The following DNER variants were observed in gnomAD, a reference collection of about 807,000 sequenced individuals.
DNER encodes the protein delta and Notch-like epidermal growth factor-related receptor.
DNER carries 33 observed loss-of-function variants against 78.2 expected under a neutral mutation model. That is an observed-to-expected ratio of 0.42 (90% confidence interval 0.32 to 0.56). The LOEUF is 0.56. DNER is among the 20% of genes least tolerant of loss of function. DNER has a pLI of 0.11. For missense variants in DNER, 918 were observed against 975.3 expected (o/e 0.94, Z 0.78); for synonymous variants, 417 against 384.8 (o/e 1.08, Z -0.98).
intron 6 of DNER, among the ~76,000 whole-genome samples, chr2:229,493,137 G>A (rs1203842367): frequency 6.6e-6 from 1 of 152,188 alleles, no homozygotes; most frequent in Admixed American, 6.5e-5. Context: ...CTTAGTCAGT[G>A]TGCAAAAGAG....
At chr2:229,578,275 A>T (rs913976976) in intron 4 of DNER, among the ~76,000 whole-genome samples, 1 of 152,032 alleles carries the variant, frequency 6.6e-6, no homozygotes, top group Non-Finnish European at 1.5e-5. Flanking sequence ...TTCCACAGGG[A>T]GCCAGGTCCC....
At chr2:229,625,929 T>G (rs1000013516) in intron 1 of DNER, among the ~76,000 whole-genome samples, 10 of 150,986 alleles carry the variant, frequency 6.6e-5, no homozygotes, top group Admixed American at 2.0e-4. Context: ...TGTTTTTTGT[T>G]TTTTTTTTGA....
chr2:229,388,192 C>T, intron 11 of DNER, 73 bp downstream of exon 11: 4 of 1,520,302 alleles, frequency 2.6e-6, no homozygotes, highest in Non-Finnish European at 3.5e-6. Context: ...TCGGCATCTT[C>T]TTCATGAAGG....
chr2:229,614,122 A>G (rs1477405506), intron 1 of DNER, among the ~76,000 whole-genome samples: 1 of 151,994 alleles, frequency 6.6e-6, no homozygotes, highest in Non-Finnish European at 1.5e-5. Flanking sequence ...GCACATGTAT[A>G]CATATGCAAC....
At chr2:229,688,995 G>A (rs1306510870) in intron 1 of DNER, among the ~76,000 whole-genome samples, 1 of 152,178 alleles carries the variant, frequency 6.6e-6, no homozygotes, top group Admixed American at 6.6e-5. Context: ...GTCATGGAGT[G>A]GAGTTGGGGG....
At chr2:229,515,903 A>G (rs1368606153) in intron 5 of DNER, among the ~76,000 whole-genome samples, 1 of 152,070 alleles carries the variant, frequency 6.6e-6, no homozygotes, top group Non-Finnish European at 1.5e-5. Context: ...CGGCCTCCCA[A>G]AGTGCTGGGA....
At chr2:229,641,072 A>G (rs974510395) in intron 1 of DNER, among the ~76,000 whole-genome samples, 1 of 152,166 alleles carries the variant, frequency 6.6e-6, no homozygotes, top group Admixed American at 6.5e-5. Context: ...GTCTTGTTGA[A>G]GTTGAAGGAC....
At chr2:229,694,932 T>C (rs1310058388) in intron 1 of DNER, among the ~76,000 whole-genome samples, 2 of 152,344 alleles carry the variant, frequency 1.3e-5, no homozygotes, top group East Asian at 3.9e-4. Context: ...TGATATGGTT[T>C]GGCTGGGCCC....
At chr2:229,418,593 G>A (rs1693697859) in intron 8 of DNER, among the ~76,000 whole-genome samples, 1 of 151,984 alleles carries the variant, frequency 6.6e-6, no homozygotes, top group Non-Finnish European at 1.5e-5. Context: ...GGCAGGGGAG[G>A]AGCAAACAGC....
At chr2:229,432,639 G>C (rs564304746) in intron 8 of DNER, among the ~76,000 whole-genome samples, 20 of 152,266 alleles carry the variant, frequency 1.3e-4, no homozygotes, top group Admixed American at 1.1e-3. Flanking sequence ...TCTCAGTGCA[G>C]TCCCCAGACC....
intron 7 of DNER, among the ~76,000 whole-genome samples, chr2:229,466,696 TTAAG>T (rs1230286692): frequency 1.3e-5 from 2 of 152,200 alleles, no homozygotes; most frequent in African/African-American, 4.8e-5. Context: ...AGTATGTGAA[TTAAG>T]TGTTTTATTA....
At chr2:229,441,889 A>C (rs1207245454) in intron 8 of DNER, among the ~76,000 whole-genome samples, 1 of 152,214 alleles carries the variant, frequency 6.6e-6, no homozygotes, top group Admixed American at 6.5e-5. Flanking sequence ...GTAAGTGCCA[A>C]GCAAGCTCCT....
rs529556992 is a variant in DNER, at chr2:229,486,816, G to T, written c.1148-9563C>A. ...TTCTCAAAATGTGTTTCCCAGATCA[G>T]CAGCATCAGCCCTGCCTGGGAACTC... is the stretch of plus-strand genomic sequence containing the variant. On this transcript the variant is annotated intron_variant, in intron 6 of 12. Coordinates refer to ENST00000341772, the MANE Select transcript of DNER (RefSeq NM_139072.4). Among the ~76,000 whole-genome samples the T allele has an allele frequency of 3.3e-5, 5 of 152,318 alleles. No individual in the cohort carries two copies. The South Asian group carries it at 1.0e-3, about 32-fold the overall frequency.
At chr2:229,453,920 TAAAAAAAAAAAAAA>T (rs10602558) in intron 7 of DNER, among the ~76,000 whole-genome samples, 4 of 106,864 alleles carry the variant, frequency 3.7e-5, no homozygotes, top group Non-Finnish European at 5.7e-5. Context: ...TAAAATATAT[TAAAAAAAAAAAAAA>T]AAAAAAAAGA....
chr2:229,479,002 TCTC>T (rs1456837178), intron 6 of DNER, among the ~76,000 whole-genome samples: 2 of 152,152 alleles, frequency 1.3e-5, no homozygotes, highest in East Asian at 3.9e-4. Flanking sequence ...TGTGTGTTGT[TCTC>T]CTCCATGTTT....
At chr2:229,623,837 C>T (rs902055427) in intron 1 of DNER, among the ~76,000 whole-genome samples, 2 of 152,236 alleles carry the variant, frequency 1.3e-5, no homozygotes, top group Non-Finnish European at 2.9e-5. Flanking sequence ...GCTCCTTCCA[C>T]CTCTGCTTCT....
chr2:229,647,615 A>G (rs1698741389), intron 1 of DNER, among the ~76,000 whole-genome samples: 1 of 152,280 alleles, frequency 6.6e-6, no homozygotes, highest in African/African-American at 2.4e-5. Context: ...AGTTGTGGAT[A>G]TCCACATCCA....
rs748790146 is a variant in DNER, at chr2:229,546,970, T to C, written c.970A>G (p.Lys324Glu). 4.3e-6 allele frequency: 7 copies of C among 1,614,186 alleles called. No individual in the cohort carries two copies. The highest frequency in any genetic ancestry group is 5.9e-6 in the Non-Finnish European group (7 of 1,180,032). The change falls in exon 5 of 13, where the codon AAA (lysine) becomes GAA (glutamate). Residue 324 changes from lysine to glutamate, a missense_variant. Coordinates refer to ENST00000341772, the MANE Select transcript of DNER (RefSeq NM_139072.4). ...ANDLECSGKG[K>E]CTTKPSEATF... ...ACCTCTGACGGCTTCGTGGTGCATT[T>C]TCCTTTTCCTGAACACTCCAAGTCA...
intron 8 of DNER, among the ~76,000 whole-genome samples, chr2:229,434,948 ACG>A (rs1455972481): frequency 9.2e-5 from 13 of 141,996 alleles, no homozygotes; most frequent in South Asian, 2.4e-4. Context: ...ACACACACAC[ACG>A]TGCACACACA....
Sources: gnomAD v4.1 joint callset for allele counts (sites outside exome capture counted in the v4.1 genomes callset) on GRCh38, gnomAD v4.1.1 for gene constraint, MANE v1.5 for transcripts, NCBI Gene and HGNC (gene_info 2026-07-23, HGNC 2026-07-21) for gene names.